PIKFYVE: variants seen among roughly 807,000 people sequenced by gnomAD.
PIKFYVE encodes phosphoinositide kinase, FYVE-type zinc finger containing.
PIKFYVE carries 122 observed loss-of-function variants against 257.9 expected under a neutral mutation model. That is an observed-to-expected ratio of 0.47 (90% CI 0.41 to 0.55). The LOEUF is 0.55. Among genes scored for constraint, PIKFYVE ranks in the 20% least tolerant of loss-of-function variants. PIKFYVE has a pLI of 0.00. For missense variants in PIKFYVE, 2,160 were observed against 2,536.6 expected (o/e 0.85, Z 3.19); for synonymous variants, 892 against 868.9 (o/e 1.03, Z -0.47).
intron 32 of PIKFYVE, among the ~76,000 whole-genome samples, chr2:208,343,874 C>A (rs1698966619): frequency 6.6e-6 from 1 of 150,396 alleles, no homozygotes; most frequent in Admixed American, 6.6e-5. Flanking sequence ...CTCAGTTGCC[C>A]AGGCTGGAGT....
intron 23 of PIKFYVE, among the ~76,000 whole-genome samples, chr2:208,332,864 C>T (rs184222548): frequency 6.6e-6 from 1 of 152,026 alleles, no homozygotes; most frequent in South Asian, 2.1e-4. Flanking sequence ...TCCACCACCC[C>T]CAAGTCCACC....
chr2:208,326,081 C>G lies in PIKFYVE; in HGVS notation c.3270C>G (p.Leu1090=), dbSNP rs766037305. The G allele has an allele frequency of 5.0e-6, 8 of 1,614,082 alleles. No homozygotes were observed. The highest frequency in any genetic ancestry group is 6.8e-6 in the Non-Finnish European group (8 of 1,180,020). The change falls in exon 20 of 42, where the codon CTC becomes CTG. Residue 1090 remains leucine, a synonymous_variant. Coordinates refer to ENST00000264380, the MANE Select transcript of PIKFYVE (RefSeq NM_015040.4). Reference sequence around the variant, plus strand: ...CAGAGCAGGTTTACTGGTCTCCTCTCCTCAATAAAGAATTCAAAGAAATGG... The same window carrying G: ...CAGAGCAGGTTTACTGGTCTCCTCTGCTCAATAAAGAATTCAAAGAAATGG... ...YFAEQVYWSP[L]LNKEFKEMEN...
intron 22 of PIKFYVE, 56 bp from the exon 23 acceptor site, chr2:208,330,467 T>C (rs1697412562): frequency 6.2e-7 from 1 of 1,601,150 alleles, no homozygotes; most frequent in Non-Finnish European, 8.5e-7. Context: ...ACTTTGACAG[T>C]GGTTCTGATT....
Position 208,341,933 on chromosome 2 carries a change from C to T in PIKFYVE, c.4932-621C>T, listed in dbSNP as rs564693185. Reference sequence around the variant, plus strand: ...TATCTGTTTCTTTACCCCCACTACACTATAAACCCTATGGTGCCAATTTTT... The same window carrying T: ...TATCTGTTTCTTTACCCCCACTACATTATAAACCCTATGGTGCCAATTTTT... On this transcript the variant is annotated intron_variant, in intron 31 of 41. Coordinates refer to ENST00000264380, the MANE Select transcript of PIKFYVE (RefSeq NM_015040.4). 5.1e-5 allele frequency among the ~76,000 whole-genome samples: 6 copies of T among 117,730 alleles called. No individual in the cohort carries two copies. In the South Asian group the frequency reaches 1.9e-3, roughly 38 times the overall value. 77.2% of individuals were successfully genotyped at this position (117,730 alleles called of 152,430 possible). A position where few individuals can be genotyped will look rare whatever the true frequency, so the allele number is the denominator to read the frequency against.
At chr2:208,286,641 C>T (rs1691610714) in intron 6 of PIKFYVE, among the ~76,000 whole-genome samples, 1 of 151,880 alleles carries the variant, frequency 6.6e-6, no homozygotes, top group Non-Finnish European at 1.5e-5. Context: ...CTGCCTTAGC[C>T]TCCTGAGTAG....
At chr2:208,342,409 C>A in intron 31 of PIKFYVE, 145 bp from the exon 32 acceptor site, 2 of 640,338 alleles carry the variant, frequency 3.1e-6, no homozygotes, top group Non-Finnish European at 5.4e-6. Flanking sequence ...TGATAATTTT[C>A]TAATTGCCTT....
chr2:208,300,957 C>G lies in PIKFYVE; in HGVS notation c.1071C>G (p.Asp357Glu). The G allele has an allele frequency of 6.2e-7, 1 of 1,614,010 alleles. No homozygotes were observed. The highest frequency in any genetic ancestry group is 1.7e-4 in the Middle Eastern group (1 of 6,060). Reference sequence around the variant, plus strand: ...TGCAGGACAGTGTGCAGTTAAAAGACCTGTGGAAAAAAATCTGCCATCACA... The same window carrying G: ...TGCAGGACAGTGTGCAGTTAAAAGAGCTGTGGAAAAAAATCTGCCATCACA... ...KILLDSVQLK[D>E]LWKKICHHSS... The change falls in exon 9 of 42, where the codon GAC becomes GAG. Residue 357 changes from aspartate (D) to glutamate (E), a missense_variant. By Grantham distance (45) the Asp-to-Glu change is conservative. Around this residue, in one of 12 missense-constraint regions of PIKFYVE, gnomAD observed 187 missense variants for 185.6 expected, o/e 1.01. Transcript: ENST00000264380.
intron 7 of PIKFYVE, among the ~76,000 whole-genome samples, chr2:208,297,286 G>T (rs1693105485): frequency 6.6e-6 from 1 of 152,158 alleles, no homozygotes; most frequent in Non-Finnish European, 1.5e-5. Flanking sequence ...GAAGTAGAAT[G>T]TATGGATAAT....
intron 33 of PIKFYVE, among the ~76,000 whole-genome samples, 174 bp from the exon 34 acceptor site, chr2:208,345,876 T>C (rs1158240771): frequency 1.3e-5 from 2 of 152,180 alleles, no homozygotes; most frequent in Non-Finnish European, 2.9e-5. Context: ...TTTCAGACTT[T>C]TTTTTCTGTG....
At chr2:208,315,492 A>G in intron 15 of PIKFYVE, 119 bp downstream of exon 15, 1 of 1,210,978 alleles carries the variant, frequency 8.3e-7, no homozygotes, top group Non-Finnish European at 1.1e-6. Context: ...GGTGAGGAGT[A>G]GGAGGTTTTG....
At chr2:208,337,432 A>G (rs1439360939) in intron 28 of PIKFYVE, among the ~76,000 whole-genome samples, 2 of 152,040 alleles carry the variant, frequency 1.3e-5, no homozygotes, top group Admixed American at 6.5e-5. Context: ...ATATATCTAT[A>G]TAGATATTTA....
rs1287865937 is a variant in PIKFYVE at position 208,324,180 on chromosome 2, T to G, written c.2229T>G (p.Val743=). The G allele has an allele frequency of 4.3e-6, 7 of 1,613,824 alleles. No homozygotes were observed. The South Asian group carries it at 6.6e-5, about 15-fold the overall frequency. The part of the protein sequence containing the change: ...EFLKNYVQRI[V]DVRPTLVLVE... ...TGAAGAATTATGTCCAGCGAATAGT[T>G]GATGTTCGACCCACCTTGGTTCTTG... is the stretch of plus-strand genomic sequence containing the variant. Residue 743 remains valine (V), a synonymous_variant, in exon 18 of 42, where the codon GTT becomes GTG. Coordinates refer to ENST00000264380, the MANE Select transcript of PIKFYVE (RefSeq NM_015040.4).
chr2:208,317,813 A>G, intron 15 of PIKFYVE, 54 bp from the exon 16 acceptor site: 1 of 1,458,330 alleles, frequency 6.9e-7, no homozygotes, highest in East Asian at 2.3e-5. Flanking sequence ...ACATCTAACT[A>G]GATTCTAAGC....
intron 16 of PIKFYVE, 53 bp from the exon 17 acceptor site, chr2:208,320,199 G>A (rs1163185950): frequency 1.9e-6 from 3 of 1,585,164 alleles, no homozygotes; most frequent in Non-Finnish European, 2.6e-6. Context: ...ATTAAAGGAG[G>A]GCTGTAAAAT....
intron 33 of PIKFYVE, 118 bp downstream of exon 33, chr2:208,345,312 T>C: frequency 1.2e-6 from 1 of 862,804 alleles, no homozygotes; most frequent in Non-Finnish European, 1.9e-6. Flanking sequence ...ATTCAGATAG[T>C]GGCACTCATA....
intron 9 of PIKFYVE, 141 bp from the exon 10 acceptor site, chr2:208,302,101 G>C: frequency 1.4e-6 from 1 of 717,876 alleles, no homozygotes; most frequent in Non-Finnish European, 2.4e-6. Flanking sequence ...CTCTCGTTTC[G>C]TCCTTTACTT....
At chr2:208,336,719 A>T in intron 27 of PIKFYVE, 119 bp from the exon 28 acceptor site, 1 of 647,076 alleles carries the variant, frequency 1.5e-6, no homozygotes, top group Non-Finnish European at 2.7e-6. Flanking sequence ...TTTAAAGACT[A>T]TGGTAATCCA....
At chr2:208,281,869 A>C (rs573667057) in intron 5 of PIKFYVE, among the ~76,000 whole-genome samples, 49 of 152,330 alleles carry the variant, frequency 3.2e-4, no homozygotes, top group Middle Eastern at 3.4e-3. Context: ...CAGTTCAGTC[A>C]CTTGCAGGAT....
chr2:208,317,980 A>G (rs56323907), intron 16 of PIKFYVE, 39 bp downstream of exon 16: 32,708 of 1,572,828 alleles, frequency 0.021, 436 homozygotes, highest in Non-Finnish European at 0.025. Context: ...TCAGCAAACC[A>G]TGGCTGTGTG....
Sources: allele counts gnomAD v4.1 joint callset (sites outside exome capture counted in the v4.1 genomes callset), GRCh38; gene constraint gnomAD v4.1.1; regional missense constraint gnomAD v4.1.1; transcripts MANE v1.5; gene names NCBI Gene and HGNC (gene_info 2026-07-23, HGNC 2026-07-21).